The following GALNT13 variants were observed in gnomAD, a reference collection of about 807,000 sequenced individuals.
GALNT13 encodes UDP-GalNAc:polypeptide N-acetylgalactosaminyltransferase 13.
GALNT13 carries 28 observed loss-of-function variants against 64.2 expected under a neutral mutation model. The ratio of observed to expected loss-of-function variants is 0.44; its 90% CI spans 0.32 to 0.60. The LOEUF is 0.60. GALNT13 is among the 20% of genes least tolerant of loss of function. The pLI, the probability that GALNT13 is intolerant of heterozygous loss-of-function variation, is 0.05. For synonymous variants in GALNT13, 214 were observed against 224.6 expected, an observed-to-expected ratio of 0.95 and a Z score of 0.42; for missense variants, 577 against 669.8, an observed-to-expected ratio of 0.86 and a Z score of 1.53.
At chr2:153,693,209 TAGG>T in the GALNT13 span, among the ~76,000 whole-genome samples, 3 of 152,314 alleles carry the variant, frequency 2.0e-5, no homozygotes, top group South Asian at 6.2e-4. Flanking sequence ...ATGTGGCAGT[TAGG>T]AGTGCTGTCT....
At chr2:153,571,476 A>G in the GALNT13 span, among the ~76,000 whole-genome samples, 14 of 152,036 alleles carry the variant, frequency 9.2e-5, no homozygotes, top group Non-Finnish European at 1.8e-4. Flanking sequence ...TAAAACTTCC[A>G]GGACTATGTT....
chr2:154,068,158 T>A (rs12619225), intron 3 of GALNT13, among the ~76,000 whole-genome samples: 70,227 of 151,850 alleles, frequency 0.46, 16,941 homozygotes, highest in East Asian at 0.84. Flanking sequence ...ACAATAGCAA[T>A]GAGATGTCAT....
At chr2:153,793,498 A>T in the GALNT13 span, among the ~76,000 whole-genome samples, 7 of 152,218 alleles carry the variant, frequency 4.6e-5, no homozygotes, top group African/African-American at 1.7e-4. Context: ...TTCCCAACCC[A>T]CAGCTCCTCA....
At chr2:153,281,134 A>G in the GALNT13 span, among the ~76,000 whole-genome samples, 20,046 of 152,000 alleles carry the variant, frequency 0.13, 1,651 homozygotes, top group Non-Finnish European at 0.18. Flanking sequence ...GTCCTTTTAT[A>G]CTGTTGTTGG....
At chr2:153,508,948 T>A in the GALNT13 span, among the ~76,000 whole-genome samples, 1 of 152,158 alleles carries the variant, frequency 6.6e-6, no homozygotes, top group Non-Finnish European at 1.5e-5. Context: ...GTTAGCCCTA[T>A]CACCCTGGAG....
At chr2:153,243,348 A>G in the GALNT13 span, among the ~76,000 whole-genome samples, 1 of 152,184 alleles carries the variant, frequency 6.6e-6, no homozygotes, top group Non-Finnish European at 1.5e-5. Context: ...TTGGAGCATT[A>G]GATTCTAGAT....
the GALNT13 span, among the ~76,000 whole-genome samples, chr2:153,294,627 AG>A: frequency 6.6e-6 from 1 of 152,128 alleles, no homozygotes; most frequent in African/African-American, 2.4e-5. Flanking sequence ...AATGTGAGGG[AG>A]CTGGGGCTGG....
chr2:153,703,992 T>C, the GALNT13 span, among the ~76,000 whole-genome samples: 1 of 152,138 alleles, frequency 6.6e-6, no homozygotes. Flanking sequence ...TCCTCAGTCC[T>C]ATAGAATACT....
chr2:153,647,250 C>T, the GALNT13 span, among the ~76,000 whole-genome samples: 615 of 152,318 alleles, frequency 4.0e-3, 6 homozygotes, highest in African/African-American at 0.014. Flanking sequence ...CTGTTGGCTG[C>T]ATAAATGTCT....
chr2:154,233,052 A>AG (rs1426201970), intron 4 of GALNT13, among the ~76,000 whole-genome samples: 5 of 151,308 alleles, frequency 3.3e-5, no homozygotes, highest in East Asian at 1.9e-4. Context: ...AAAAAAAAAA[A>AG]AAAAAGAAAA....
At chr2:153,083,055 C>T in the GALNT13 span, among the ~76,000 whole-genome samples, 1 of 151,932 alleles carries the variant, frequency 6.6e-6, no homozygotes, top group Non-Finnish European at 1.5e-5. Flanking sequence ...TCTCAAACTC[C>T]TGACCACTTG....
chr2:153,532,534 T>C, the GALNT13 span, among the ~76,000 whole-genome samples: 1 of 152,338 alleles, frequency 6.6e-6, no homozygotes, highest in African/African-American at 2.4e-5. Context: ...GTTTCCTCTT[T>C]ACTTATGCAA....
At chr2:154,024,912 G>A (rs6738716) in intron 3 of GALNT13, among the ~76,000 whole-genome samples, 2,001 of 152,286 alleles carry the variant, frequency 0.013, 48 homozygotes, top group Admixed American at 0.054. Flanking sequence ...CCTTCTAACA[G>A]ACAGGACCCT....
intron 11 of GALNT13, among the ~76,000 whole-genome samples, chr2:154,424,765 C>A (rs1700400805): frequency 6.6e-6 from 1 of 152,180 alleles, no homozygotes; most frequent in Non-Finnish European, 1.5e-5. Context: ...CATGTATTAG[C>A]CTTTTTCTCT....
chr2:153,382,085 G>A, the GALNT13 span, among the ~76,000 whole-genome samples: 143 of 152,182 alleles, frequency 9.4e-4, 1 homozygote, highest in African/African-American at 3.3e-3. Context: ...ACATCTTGAG[G>A]TGATTCTCAG....
chr2:153,550,321 G>A, the GALNT13 span, among the ~76,000 whole-genome samples: 11 of 150,596 alleles, frequency 7.3e-5, no homozygotes, highest in African/African-American at 2.7e-4. Flanking sequence ...TGCAACCTCT[G>A]CCTCCCGAGT....
the GALNT13 span, among the ~76,000 whole-genome samples, chr2:153,751,798 TTC>T: frequency 1.3e-5 from 2 of 151,946 alleles, no homozygotes; most frequent in Non-Finnish European, 2.9e-5. Context: ...AGTTGATATC[TTC>T]TGATTGGAAA....
At chr2:153,790,798 A>T in the GALNT13 span, among the ~76,000 whole-genome samples, 1 of 152,192 alleles carries the variant, frequency 6.6e-6, no homozygotes, top group Non-Finnish European at 1.5e-5. Flanking sequence ...GCATTCCTAT[A>T]CACCCACAAA....
chr2:153,132,162 T>A, the GALNT13 span, among the ~76,000 whole-genome samples: 4 of 152,166 alleles, frequency 2.6e-5, no homozygotes, highest in African/African-American at 9.7e-5. Context: ...AGAGGACCAA[T>A]ACCAGCTCAG....
Sources: allele counts gnomAD v4.1 joint callset (sites outside exome capture counted in the v4.1 genomes callset), GRCh38; gene constraint gnomAD v4.1.1; transcripts MANE v1.5; gene names NCBI Gene and HGNC (gene_info 2026-07-23, HGNC 2026-07-21).